SUCO: variants seen among roughly 807,000 people sequenced by gnomAD.
SUCO encodes SUN domain containing ossification factor.
SUCO carries 57 observed loss-of-function variants against 148.1 expected under a neutral mutation model. The observed-to-expected ratio is 0.38, with a 90% CI of 0.31 to 0.48. The LOEUF (loss-of-function observed/expected upper bound fraction) is 0.48. SUCO is among the 20% of genes least tolerant of loss of function. The pLI is 0.96. For missense variants in SUCO, 1,331 were observed against 1,468.2 expected, an observed-to-expected ratio of 0.91 and a Z score of 1.53; for synonymous variants, 470 against 502.7, an observed-to-expected ratio of 0.93 and a Z score of 0.87.
chr1:172,578,652 T>C (rs1237020457), intron 14 of SUCO: 31 of 643,676 alleles, frequency 4.8e-5, no homozygotes, highest in African/African-American at 6.0e-5. Context: ...AAATTATGAT[T>C]ATATCCCTAT....
intron 6 of SUCO, among the ~76,000 whole-genome samples, chr1:172,560,467 T>C (rs1654067628): frequency 6.6e-6 from 1 of 152,250 alleles, no homozygotes; most frequent in African/African-American, 2.4e-5. Context: ...TAGTCTGTTA[T>C]TGAGAAATAC....
chr1:172,577,190 T>TA (rs1475879943), intron 11 of SUCO: 1 of 213,636 alleles, frequency 4.7e-6, no homozygotes, highest in Non-Finnish European at 8.0e-6. Context: ...CTGTAATACT[T>TA]AAAGTAAAAG....
intron 22 of SUCO, 38 bp from the exon 23 acceptor site, chr1:172,608,709 T>C: frequency 7.2e-7 from 1 of 1,394,138 alleles, no homozygotes; most frequent in South Asian, 1.2e-5. Context: ...AAATCCACTT[T>C]ACATTTTACA....
chr1:172,599,176 ATAAT>A (rs1026528649), intron 19 of SUCO, among the ~76,000 whole-genome samples: 34 of 152,220 alleles, frequency 2.2e-4, no homozygotes, highest in African/African-American at 7.9e-4. Flanking sequence ...AAAAATACAA[ATAAT>A]TAGCCGGGCA....
intron 1 of SUCO, chr1:172,544,006 A>C (rs1652690927): frequency 6.1e-6 from 1 of 163,886 alleles, no homozygotes; most frequent in African/African-American, 2.4e-5. Context: ...TTTTATTACC[A>C]GTGTTTGACC....
intron 1 of SUCO, among the ~76,000 whole-genome samples, chr1:172,537,516 G>T (rs1230447163): frequency 6.6e-6 from 1 of 152,096 alleles, no homozygotes; most frequent in Non-Finnish European, 1.5e-5. Flanking sequence ...GGTCAATTCA[G>T]TTAAAACTGA....
chr1:172,532,559 G>T, upstream of SUCO: 1 of 1,613,872 alleles, frequency 6.2e-7, no homozygotes. Flanking sequence ...GAAAGGGCTT[G>T]GTGCAGCTTC....
At chr1:172,559,864 T>C (rs1279010367) in intron 6 of SUCO, among the ~76,000 whole-genome samples, 1 of 152,182 alleles carries the variant, frequency 6.6e-6, no homozygotes, top group Non-Finnish European at 1.5e-5. Context: ...TGCTTCCGTC[T>C]GGGACCTGTT....
rs372623434 is a variant in SUCO at position 172,608,724 on chromosome 1, CTTTT to C, written c.3266-12_3266-9del. On this transcript the variant is annotated intron_variant, in intron 22 of 23. Coordinates refer to ENST00000263688, the MANE Select transcript of SUCO (RefSeq NM_014283.5). ...AAATCCACTTTACATTTTACATCTG[CTTTT>C]TTTTTTTTTTACTTACAGTAGACCC... The C allele has an allele frequency of 6.8e-5, 93 of 1,363,218 alleles. No homozygotes were observed. Among genetic ancestry groups the C allele is most frequent in the Admixed American group, 1.5e-4 (7 of 47,076 alleles). 84.4% of individuals were successfully genotyped at this position (1,363,218 alleles called of 1,614,324 possible).
At chr1:172,592,455 A>G (rs1656743093) in intron 19 of SUCO, among the ~76,000 whole-genome samples, 1 of 152,182 alleles carries the variant, frequency 6.6e-6, no homozygotes, top group Admixed American at 6.5e-5. Flanking sequence ...ATTTTTGTAT[A>G]AGGTGTAAGG....
Position 172,577,554 on chromosome 1 carries a change from A to G in SUCO, c.1279A>G (p.Ile427Val), listed in dbSNP as rs114877046. The G allele has an allele frequency of 1.2e-6, 2 of 1,611,124 alleles. No homozygotes were observed. Among genetic ancestry groups the G allele is most frequent in the East Asian group, 2.2e-5 (1 of 44,714 alleles). The change falls in exon 12 of 24, where the codon ATA becomes GTA. Residue 427 changes from isoleucine (I) to valine (V), a missense_variant. By Grantham distance (29) the Ile-to-Val change is conservative (BLOSUM62 3). This residue lies in a region of SUCO where 992 missense variants were observed against 1,093.5 expected (regional missense o/e 0.91). Transcript: ENST00000263688. ...CTTGCTTCAGATGTTCATCAAGTAC[A>G]TAAAGGTTAGCAACCTTCTCTTTTG... ...AKYVKMFIKY[I>V]KVELLSHFGS... is the part of the protein sequence containing the mutation.
At chr1:172,548,863 T>C (rs1247310583) in intron 1 of SUCO, among the ~76,000 whole-genome samples, 1 of 152,002 alleles carries the variant, frequency 6.6e-6, no homozygotes, top group Non-Finnish European at 1.5e-5. Context: ...TCTTTGAGCT[T>C]CTTACATGGA....
intron 22 of SUCO, chr1:172,608,134 C>G (rs1050500789): frequency 1.0e-6 from 1 of 961,530 alleles, no homozygotes; most frequent in Non-Finnish European, 1.2e-6. Flanking sequence ...ATCTAATTTA[C>G]TCACTATGCC....
chr1:172,589,706 G>T lies in SUCO; in HGVS notation c.2605G>T (p.Glu869Ter). 6.2e-7 allele frequency: 1 copy of T among 1,613,504 alleles called. No homozygotes were observed. Among genetic ancestry groups the T allele is most frequent in the South Asian group, 1.1e-5 (1 of 91,036 alleles). The change falls in exon 18 of 24, where the codon GAA becomes TAA. Residue 869 changes from glutamate to a stop codon, truncating the protein, a stop_gained. Coordinates refer to ENST00000263688, the MANE Select transcript of SUCO (RefSeq NM_014283.5). LOFTEE classifies it high-confidence loss of function. ...TTCATTACCTGAAGTAAAAGAAGAA[G>T]AACAGTCTCCAGAAGATGCCCTTTT... Reference protein sequence around the residue: ...SSSLPEVKEEEQSPEDALLRG... With the variant: ...SSSLPEVKEE
At chr1:172,533,711 C>T (rs1488784715) in intron 1 of SUCO, among the ~76,000 whole-genome samples, 1 of 152,160 alleles carries the variant, frequency 6.6e-6, no homozygotes, top group Non-Finnish European at 1.5e-5. Flanking sequence ...TTTACAGAGA[C>T]TCAGTGGGAG....
In SUCO at chr1:172,589,426, T is replaced by A; in HGVS notation, c.2325T>A (p.Asn775Lys). Reference sequence around the variant, plus strand: ...AAGAGAGTTCTGTTGAGATCGATAATGAAACAGAACAAAAGTCTGAGAGCT... The same window carrying A: ...AAGAGAGTTCTGTTGAGATCGATAAAGAAACAGAACAAAAGTCTGAGAGCT... ...IPQESSVEID[N>K]ETEQKSESFS... is the part of the protein sequence containing the mutation. Residue 775 changes from asparagine (N) to lysine (K), a missense_variant, in exon 18 of 24, where the codon AAT becomes AAA. Physicochemically the swap from Asn to Lys is moderately conservative, Grantham distance 94. This residue lies in a region of SUCO where 992 missense variants were observed against 1,093.5 expected (regional missense o/e 0.91). Transcript: ENST00000263688. The A allele has an allele frequency of 6.2e-7, 1 of 1,613,314 alleles. No homozygotes were observed. Among genetic ancestry groups the A allele is most frequent in the Non-Finnish European group, 8.5e-7 (1 of 1,179,720 alleles).
intron 11 of SUCO, among the ~76,000 whole-genome samples, chr1:172,575,905 A>G (rs1655401968): frequency 6.6e-6 from 1 of 151,876 alleles, no homozygotes. Context: ...GCAAAATGTC[A>G]TCTTCATAGT....
chr1:172,569,456 A>C, intron 7 of SUCO: 1 of 980,786 alleles, frequency 1.0e-6, no homozygotes, highest in Admixed American at 6.1e-5. Context: ...ATGGAACTCA[A>C]AAAGAACTTG....
At position 172,575,556 on chromosome 1, in the gene SUCO, A is replaced by G. The variant is rs1298971186; in HGVS notation, c.1196A>G (p.His399Arg). The G allele has an allele frequency of 5.6e-6, 9 of 1,612,158 alleles. No homozygotes were observed. Among genetic ancestry groups the G allele is most frequent in the Non-Finnish European group, 6.8e-6 (8 of 1,178,722 alleles). Residue 399 changes from histidine (H) to arginine (R), a missense_variant, in exon 11 of 24, where the codon CAT becomes CGT. Coordinates refer to ENST00000263688, the MANE Select transcript of SUCO (RefSeq NM_014283.5). ...AAGTGGATTAAGCTGGGTACTTTTC[A>G]TGGTAGAGATGAGCGGAATGTACAG... Reference protein sequence around the residue: ...TNKWIKLGTFHGRDERNVQSF... With the variant: ...TNKWIKLGTFRGRDERNVQSF...
Sources: allele counts gnomAD v4.1 joint callset (sites outside exome capture counted in the v4.1 genomes callset), GRCh38; gene constraint gnomAD v4.1.1; regional missense constraint gnomAD v4.1.1; transcripts MANE v1.5; gene names NCBI Gene and HGNC (gene_info 2026-07-23, HGNC 2026-07-21).